The following CHST12 variants were observed in gnomAD, a reference collection of about 807,000 sequenced individuals.
The protein encoded by CHST12 is carbohydrate (chondroitin 4) sulfotransferase 12.
Under a neutral mutation model 27.9 loss-of-function variants are expected in CHST12, and 23 were observed. The ratio of observed to expected loss-of-function variants is 0.82; its 90% CI spans 0.59 to 1.17. The LOEUF is 1.17. Among genes scored for constraint, CHST12 ranks in the 50% most tolerant of loss-of-function variants. The pLI is 0.00. For synonymous variants in CHST12, 322 were observed against 273.0 expected, an observed-to-expected ratio of 1.18 and a Z score of -1.77; for missense variants, 682 against 603.0, an observed-to-expected ratio of 1.13 and a Z score of -1.37.
chr7:2,408,965 G>A (rs987815538), intron 1 of CHST12, among the ~76,000 whole-genome samples: 1 of 152,226 alleles, frequency 6.6e-6, no homozygotes, highest in Non-Finnish European at 1.5e-5. Flanking sequence ...AGCATCTGGA[G>A]AGGAGTTGAT....
rs964109156 is a variant in CHST12, at chr7:2,435,462, C to T, written c.*1578C>T. On this transcript the variant is annotated 3_prime_UTR_variant, in exon 2 of 2. Transcript: ENST00000618655. ...CCTTGAACCCTCAGGTTTGATGGGC[C>T]CTGTCTTGATAAAAGTGTCAGAGGA... 6 of 152,210 alleles carry T rather than the reference C, an allele frequency of 3.9e-5. No homozygotes were observed. Among genetic ancestry groups the T allele is most frequent in the East Asian group, 1.9e-4 (1 of 5,174 alleles). The allele number at this position is 152,210 out of a possible 1,614,324, so 9.4% of individuals were successfully genotyped here. A position where few individuals can be genotyped will look rare whatever the true frequency, so the allele number is the denominator to read the frequency against.
At position 2,445,521 on chromosome 7, in the gene CHST12, C is replaced by G. The variant is rs1782730605; in HGVS notation, c.*11637C>G. On this transcript the variant is annotated 3_prime_UTR_variant, in exon 2 of 2. Coordinates refer to ENST00000618655, the MANE Select transcript of CHST12 (RefSeq NM_018641.5). ...CCCAGGCTCACTGCAACCTATGCCT[C>G]CCGGGTTCAAGTGGTTCTCATGCTT... 1 of 152,216 alleles carries G rather than the reference C, an allele frequency of 6.6e-6. No homozygotes were observed. Among genetic ancestry groups the G allele is most frequent in the Non-Finnish European group, 1.5e-5 (1 of 68,084 alleles). 9.4% of individuals were successfully genotyped at this position (152,216 alleles called of 1,614,324 possible).
In CHST12 at chr7:2,437,726, ACG is replaced by A. The variant is rs34859483; in HGVS notation, c.*3848_*3849del. On this transcript the variant is annotated 3_prime_UTR_variant, in exon 2 of 2. Coordinates refer to ENST00000618655, the MANE Select transcript of CHST12 (RefSeq NM_018641.5). The stretch of plus-strand genomic sequence containing the variant: ...CTTAGGAATCAGAACACACACACAC[ACG>A]CGCGCACACACACACACACACACAC... 0.23 allele frequency: 26,204 copies of A among 112,396 alleles called. 2,827 individuals are homozygous for A. The highest frequency in any genetic ancestry group is 0.39 in the African/African-American group (12,645 of 32,054). The allele number at this position is 112,396 out of a possible 1,614,324, so 7.0% of individuals were successfully genotyped here.
chr7:2,414,190 T>G (rs180757700), intron 1 of CHST12, among the ~76,000 whole-genome samples: 2 of 152,354 alleles, frequency 1.3e-5, no homozygotes, highest in East Asian at 1.9e-4. Flanking sequence ...GCTCTTTATA[T>G]ATTCTGGATA....
intron 1 of CHST12, among the ~76,000 whole-genome samples, chr7:2,412,780 T>A (rs1781699944): frequency 6.6e-6 from 1 of 152,236 alleles, no homozygotes; most frequent in South Asian, 2.1e-4. Flanking sequence ...TTTCCCAGTT[T>A]CATCCCAGTT....
chr7:2,425,303 T>C (rs184800687), intron 1 of CHST12, among the ~76,000 whole-genome samples: 1 of 151,562 alleles, frequency 6.6e-6, no homozygotes, highest in Admixed American at 6.6e-5. Flanking sequence ...AAGACAGGTG[T>C]GGACACAACC....
intron 1 of CHST12, among the ~76,000 whole-genome samples, chr7:2,419,401 CAAAAAAAAA>C (rs35870806): frequency 8.8e-6 from 1 of 113,074 alleles, no homozygotes; most frequent in African/African-American, 3.5e-5. Context: ...ACCCTGTCTC[CAAAAAAAAA>C]AAAAAAAAAA....
chr7:2,432,055 T>C (rs1782281897), intron 1 of CHST12, among the ~76,000 whole-genome samples: 1 of 141,524 alleles, frequency 7.1e-6, no homozygotes, highest in Non-Finnish European at 1.5e-5. Flanking sequence ...GGCAGGAGAA[T>C]GGCGTGAACC....
chr7:2,425,217 AAAC>A (rs1782079272), intron 1 of CHST12, among the ~76,000 whole-genome samples: 2 of 84,094 alleles, frequency 2.4e-5, no homozygotes, highest in African/African-American at 5.3e-5. Flanking sequence ...AAAAAAAAAA[AAAC>A]AACAAACAAA....
At position 2,439,353 on chromosome 7, in the gene CHST12, C is replaced by A. The variant is rs1782546712; in HGVS notation, c.*5469C>A. The A allele has an allele frequency of 6.6e-6, 1 of 152,182 alleles. No homozygotes were observed. The highest frequency in any genetic ancestry group is 1.9e-4 in the East Asian group (1 of 5,158). The allele number at this position is 152,182 out of a possible 1,614,324, so 9.4% of individuals were successfully genotyped here. ...TAGGTGAGGCTCTCCTATTGGGATA[C>A]CATTTCACCAGCAGAGAGATTAATT... On this transcript the variant is annotated 3_prime_UTR_variant, in exon 2 of 2. Transcript: ENST00000618655.
At chr7:2,406,764 T>C (rs1781538218) in intron 1 of CHST12, among the ~76,000 whole-genome samples, 1 of 152,140 alleles carries the variant, frequency 6.6e-6, no homozygotes, top group Admixed American at 6.6e-5. Context: ...CCCCTCCCAG[T>C]GTTCAAGGCA....
intron 1 of CHST12, among the ~76,000 whole-genome samples, chr7:2,423,425 A>ATGGAGAGACAGCAGCGGGGGCCG: frequency 6.6e-6 from 1 of 152,206 alleles, no homozygotes; most frequent in Non-Finnish European, 1.5e-5. Flanking sequence ...GGTGGGGGCC[A>ATGGAGAGACAGCAGCGGGGGCCG]TGGAGAGACA....
rs150668156 is a variant in CHST12 at position 2,423,940 on chromosome 7, G to A, written c.-77-8623G>A. ...AAATTAGCTGGGCATGGTGGCACACGCCTATGGTCCCAGCTACTTGGGAAA... is the reference window on the plus strand; with the variant it reads ...AAATTAGCTGGGCATGGTGGCACACACCTATGGTCCCAGCTACTTGGGAAA... On this transcript the variant is annotated intron_variant, in intron 1 of 1. Transcript: ENST00000618655. Among the ~76,000 whole-genome samples, 272 of 152,174 alleles carry A rather than the reference G, an allele frequency of 1.8e-3. 1 individual carries two copies. The highest frequency in any genetic ancestry group is 6.5e-3 in the African/African-American group (268 of 41,542).
intron 1 of CHST12, among the ~76,000 whole-genome samples, chr7:2,411,660 T>C (rs1781670632): frequency 6.6e-6 from 1 of 152,026 alleles, no homozygotes; most frequent in Non-Finnish European, 1.5e-5. Context: ...CAGCTACTTT[T>C]TGTATTTAGT....
intron 1 of CHST12, among the ~76,000 whole-genome samples, chr7:2,412,819 G>A (rs1367935316): frequency 2.0e-5 from 3 of 151,936 alleles, no homozygotes; most frequent in Admixed American, 2.0e-4. Context: ...AGTAATATGT[G>A]CAAAGCCCTT....
In CHST12 at chr7:2,436,329, T is replaced by G. The variant is rs1782473489; in HGVS notation, c.*2445T>G. 6.6e-6 allele frequency: 1 copy of G among 152,214 alleles called. No individual in the cohort carries two copies. Among genetic ancestry groups the G allele is most frequent in the African/African-American group, 2.4e-5 (1 of 41,428 alleles). The allele number at this position is 152,214 out of a possible 1,614,324, so 9.4% of individuals were successfully genotyped here. A position where few individuals can be genotyped will look rare whatever the true frequency, so the allele number is the denominator to read the frequency against. The stretch of plus-strand genomic sequence containing the variant: ...AGGCAGCAGCTTCCACTCTCTGATT[T>G]CTACTACCCGAGCTCCCTCAGAAAT... On this transcript the variant is annotated 3_prime_UTR_variant, in exon 2 of 2. Transcript: ENST00000618655.
chr7:2,420,808 T>G (rs1324298215), intron 1 of CHST12, among the ~76,000 whole-genome samples: 2 of 152,082 alleles, frequency 1.3e-5, no homozygotes, highest in African/African-American at 4.8e-5. Context: ...CAACCTTGCT[T>G]TCAGTTATTT....
At chr7:2,424,823 C>T (rs962437990) in intron 1 of CHST12, among the ~76,000 whole-genome samples, 5 of 152,150 alleles carry the variant, frequency 3.3e-5, no homozygotes, top group African/African-American at 1.2e-4. Context: ...TCCCCTTCCA[C>T]AAGATGCTGT....
At chr7:2,403,779 G>T (rs1781447630) in intron 1 of CHST12, 106 bp downstream of exon 1, 1 of 152,798 alleles carries the variant, frequency 6.5e-6, no homozygotes, top group South Asian at 1.8e-4. Context: ...GCTGAGGGGC[G>T]CGGGTCGGCT....
Sources: allele counts gnomAD v4.1 joint callset (sites outside exome capture counted in the v4.1 genomes callset), GRCh38; gene constraint gnomAD v4.1.1; transcripts MANE v1.5; gene names NCBI Gene and HGNC (gene_info 2026-07-23, HGNC 2026-07-21).